Variants in RGS7BP observed in about 807,000 individuals in gnomAD.
The protein encoded by RGS7BP is regulator of G protein signaling 7 binding protein.
RGS7BP carries 9 observed loss-of-function variants against 31.3 expected under a neutral mutation model. The ratio of observed to expected loss-of-function variants is 0.29; its 90% confidence interval spans 0.17 to 0.50. RGS7BP has a LOEUF of 0.50. RGS7BP is among the 20% of genes least tolerant of loss of function. The pLI, the probability that RGS7BP is intolerant of heterozygous loss-of-function variation, is 0.98. For synonymous variants in RGS7BP, 115 were observed against 120.1 expected (o/e 0.96, Z 0.28); for missense variants, 274 against 322.0 (o/e 0.85, Z 1.14).
chr5:64,536,127 G>C (rs1408234515), intron 2 of RGS7BP, among the ~76,000 whole-genome samples: 1 of 152,156 alleles, frequency 6.6e-6, no homozygotes, highest in Non-Finnish European at 1.5e-5. Flanking sequence ...TCTTTGGGTA[G>C]GTAATATCCT....
chr5:64,580,845 C>G lies in RGS7BP; in HGVS notation c.463+4941C>G, dbSNP rs997371343. 3.9e-5 allele frequency among the ~76,000 whole-genome samples: 6 copies of G among 152,284 alleles called. No individual in the cohort carries two copies. In the Middle Eastern group the frequency reaches 0.014, roughly 348 times the overall value. On this transcript the variant is annotated intron_variant, in intron 3 of 5. Coordinates refer to ENST00000334025, the MANE Select transcript of RGS7BP (RefSeq NM_001029875.3). Reference sequence around the variant, plus strand: ...CCCCAGAGTTTTAGGGGAATTTTGGCTCACATTCTAATCTAACACTTGAAA... The same window carrying G: ...CCCCAGAGTTTTAGGGGAATTTTGGGTCACATTCTAATCTAACACTTGAAA...
intron 2 of RGS7BP, among the ~76,000 whole-genome samples, chr5:64,559,827 T>C (rs528840552): frequency 4.5e-4 from 68 of 152,302 alleles, no homozygotes; most frequent in African/African-American, 1.5e-3. Flanking sequence ...TGCATTTATT[T>C]GGTATTTACC....
intron 2 of RGS7BP, among the ~76,000 whole-genome samples, chr5:64,533,007 G>A (rs1020109335): frequency 5.9e-5 from 9 of 152,080 alleles, no homozygotes. Flanking sequence ...TCATTTCCGA[G>A]GGCATTGCTC....
At chr5:64,563,139 T>C (rs901011216) in intron 2 of RGS7BP, among the ~76,000 whole-genome samples, 1 of 152,026 alleles carries the variant, frequency 6.6e-6, no homozygotes, top group Non-Finnish European at 1.5e-5. Flanking sequence ...CCTTGATTAC[T>C]TTAAAGGGTA....
In RGS7BP at chr5:64,507,699, C is replaced by A. The variant is rs1394872085; in HGVS notation, c.166-12C>A. 2.6e-6 allele frequency: 4 copies of A among 1,549,122 alleles called. No homozygotes were observed. The highest frequency in any genetic ancestry group is 2.8e-5 in the African/African-American group (2 of 71,650). ...TGTTTGGTAAAAAAAAAAAAACTCA[C>A]TTCTTTTCCAGCTTGTCCAAGAGTT... On this transcript the variant is annotated splice_polypyrimidine_tract_variant and intron_variant, in intron 1 of 5. Coordinates refer to ENST00000334025, the MANE Select transcript of RGS7BP (RefSeq NM_001029875.3).
At chr5:64,601,632 C>T (rs989537653) in intron 5 of RGS7BP, 5 of 157,830 alleles carry the variant, frequency 3.2e-5, no homozygotes, top group Non-Finnish European at 6.8e-5. Flanking sequence ...GGCCAGGTCT[C>T]CTGGCTGTCA....
At chr5:64,586,797 G>T (rs1287309893) in intron 3 of RGS7BP, among the ~76,000 whole-genome samples, 1 of 152,202 alleles carries the variant, frequency 6.6e-6, no homozygotes, top group Non-Finnish European at 1.5e-5. Context: ...AACAAAGAGA[G>T]TATAATTAGA....
chr5:64,534,194 G>A (rs1207196839), intron 2 of RGS7BP, among the ~76,000 whole-genome samples: 2 of 152,090 alleles, frequency 1.3e-5, no homozygotes, highest in Non-Finnish European at 2.9e-5. Flanking sequence ...AGAAGGAGGA[G>A]TGAATGCAAA....
At position 64,506,861 on chromosome 5, in the gene RGS7BP, C is replaced by T. The variant is rs1388372120; in HGVS notation, c.165+72C>T. ...GGTGGGGGGAGTCATGTATGTTAAT[C>T]ATTTGCCTGAGTGCCAGCCACTCCC... On this transcript the variant is annotated intron_variant, in intron 1 of 5. Transcript: ENST00000334025. This position sits in a 1 kb window ranked among gnomAD's most constrained non-coding sequence, Gnocchi z 4.6. 4 of 1,419,778 alleles carry T rather than the reference C, an allele frequency of 2.8e-6. No individual in the cohort carries two copies. The African/African-American group carries it at 5.8e-5, about 21-fold the overall frequency. The allele number at this position is 1,419,778 out of a possible 1,614,324, so 87.9% of individuals were successfully genotyped here.
chr5:64,513,584 C>T (rs1030305588), intron 2 of RGS7BP, among the ~76,000 whole-genome samples: 1 of 152,134 alleles, frequency 6.6e-6, no homozygotes, highest in African/African-American at 2.4e-5. Flanking sequence ...TTGGCTGAGC[C>T]AGCAGCAACG....
In RGS7BP at chr5:64,609,349, C is replaced by A; in HGVS notation, c.*97C>A. 1 of 724,752 alleles carries A rather than the reference C, an allele frequency of 1.4e-6. No individual in the cohort carries two copies. The highest frequency in any genetic ancestry group is 2.5e-6 in the Non-Finnish European group (1 of 394,314). 44.9% of individuals were successfully genotyped at this position (724,752 alleles called of 1,614,324 possible). ...GAACCACACAGTTATTGGTTTTTGA[C>A]TATGTTTTCTATGCTTCCTTATTAC... On this transcript the variant is annotated 3_prime_UTR_variant, in exon 6 of 6. Coordinates refer to ENST00000334025, the MANE Select transcript of RGS7BP (RefSeq NM_001029875.3).
chr5:64,593,008 A>C (rs10805388), intron 3 of RGS7BP, among the ~76,000 whole-genome samples: 45,398 of 152,184 alleles, frequency 0.3, 7,068 homozygotes, highest in South Asian at 0.4. Flanking sequence ...CAACTGTGAA[A>C]TGGTAATGTG....
At chr5:64,524,337 C>T (rs1749179430) in intron 2 of RGS7BP, among the ~76,000 whole-genome samples, 1 of 152,142 alleles carries the variant, frequency 6.6e-6, no homozygotes, top group Non-Finnish European at 1.5e-5. Context: ...CTGCCCTTTC[C>T]TTTCCCTCAT....
At chr5:64,511,476 G>T (rs1476702838) in intron 2 of RGS7BP, among the ~76,000 whole-genome samples, 1 of 152,168 alleles carries the variant, frequency 6.6e-6, no homozygotes, top group Non-Finnish European at 1.5e-5. Context: ...AACTTTTTTA[G>T]CAGCAAATCC....
At chr5:64,512,955 T>C (rs1748879248) in intron 2 of RGS7BP, among the ~76,000 whole-genome samples, 1 of 152,228 alleles carries the variant, frequency 6.6e-6, no homozygotes, top group African/African-American at 2.4e-5. Context: ...AGGCTATATG[T>C]CATTGGACAA....
At chr5:64,545,950 T>C (rs938453674) in intron 2 of RGS7BP, among the ~76,000 whole-genome samples, 7 of 152,122 alleles carry the variant, frequency 4.6e-5, no homozygotes, top group African/African-American at 7.2e-5. Flanking sequence ...GTAACCGGGT[T>C]TGAGACCAGC....
intron 2 of RGS7BP, among the ~76,000 whole-genome samples, chr5:64,555,100 A>G (rs1466487704): frequency 6.6e-6 from 1 of 152,202 alleles, no homozygotes; most frequent in Non-Finnish European, 1.5e-5. Context: ...AGGAAAATAG[A>G]CAATGGAATG....
At chr5:64,515,992 T>G (rs1037820096) in intron 2 of RGS7BP, among the ~76,000 whole-genome samples, 1 of 152,078 alleles carries the variant, frequency 6.6e-6, no homozygotes, top group Non-Finnish European at 1.5e-5. Context: ...TTATAGAGAC[T>G]GGGGTCTTGC....
At chr5:64,521,538 T>C (rs1342150909) in intron 2 of RGS7BP, among the ~76,000 whole-genome samples, 1 of 152,240 alleles carries the variant, frequency 6.6e-6, no homozygotes, top group African/African-American at 2.4e-5. Context: ...ATTACAGGCA[T>C]GAGCCACCGC....
Sources: allele counts gnomAD v4.1 joint callset (sites outside exome capture counted in the v4.1 genomes callset), GRCh38; gene constraint gnomAD v4.1.1; non-coding constraint Gnocchi (gnomAD v3.1); transcripts MANE v1.5; gene names NCBI Gene and HGNC (gene_info 2026-07-23, HGNC 2026-07-21).